Variants in SMAP2 observed in about 807,000 individuals in gnomAD.
SMAP2 encodes small ArfGAP2, also known as stromal membrane-associated protein 2.
SMAP2 carries 25 observed loss-of-function variants against 56.4 expected under a neutral mutation model. The observed-to-expected ratio is 0.44, with a 90% confidence interval of 0.32 to 0.62. The LOEUF is 0.62. Among genes scored for constraint, SMAP2 ranks in the 20% least tolerant of loss-of-function variants. The probability of loss-of-function intolerance (pLI) is 0.04; values close to 1 mark genes in which losing one functional copy is unlikely to be tolerated. For synonymous variants in SMAP2, 157 were observed against 181.7 expected, an observed-to-expected ratio of 0.86 and a Z score of 1.09; for missense variants, 388 against 545.6, an observed-to-expected ratio of 0.71 and a Z score of 2.88.
At chr1:40,352,531 A>T (rs1217693367) in intron 1 of SMAP2, among the ~76,000 whole-genome samples, 2 of 151,988 alleles carry the variant, frequency 1.3e-5, no homozygotes, top group Admixed American at 6.6e-5. Context: ...TAATTTAAAA[A>T]GTTTTTCTAT....
At chr1:40,387,848 G>A (rs1038308021) in intron 1 of SMAP2, among the ~76,000 whole-genome samples, 11 of 149,292 alleles carry the variant, frequency 7.4e-5, no homozygotes, top group Middle Eastern at 3.7e-3. Context: ...GCGGGGAGGT[G>A]TGGAGGGAGC....
rs1405324449 is a variant in SMAP2, at chr1:40,413,023, AAG to A, written c.412_413del (p.Asp138Ter). The A allele has an allele frequency of 6.2e-7, 1 of 1,609,676 alleles. No individual in the cohort carries two copies. Among genetic ancestry groups the A allele is most frequent in the Non-Finnish European group, 8.5e-7 (1 of 1,178,242 alleles). On this transcript the variant is annotated frameshift_variant, in exon 5 of 10. Transcript: ENST00000372718. LOFTEE classifies it high-confidence loss of function. ...CTTGTTAAATCATTATAGAAAGAAA[AAG>A]ATGACAAGTGGAAAAGAGGGAGCGA...
At chr1:40,393,287 A>G in intron 1 of SMAP2, 3 of 1,491,132 alleles carry the variant, frequency 2.0e-6, no homozygotes, top group Non-Finnish European at 8.9e-7. Context: ...AGCTTGGGCA[A>G]CAAAGCAACA....
At chr1:40,362,657 T>C (rs1644464359) in intron 2 of SMAP2, among the ~76,000 whole-genome samples, 2 of 152,152 alleles carry the variant, frequency 1.3e-5, no homozygotes, top group Non-Finnish European at 2.9e-5. Context: ...TCTTGCCTTT[T>C]CCCCCAGTGT....
intron 2 of SMAP2, among the ~76,000 whole-genome samples, chr1:40,365,495 G>T (rs1644477761): frequency 6.6e-6 from 1 of 152,118 alleles, no homozygotes; most frequent in African/African-American, 2.4e-5. Flanking sequence ...TGGCCACTGG[G>T]ACAGATAGAA....
At position 40,410,134 on chromosome 1, in the gene SMAP2, T is replaced by C. The variant is rs941742350; in HGVS notation, c.402+299T>C. ...GGTATACATGCCTGTAATAACCAGC[T>C]ACTTGGGAGGCTGAGGTCGGAGGAT... On this transcript the variant is annotated intron_variant, in intron 4 of 9. Transcript: ENST00000372718. Among the ~76,000 whole-genome samples the C allele has an allele frequency of 2.6e-5, 4 of 151,744 alleles. No homozygotes were observed. In the South Asian group the frequency reaches 8.3e-4, roughly 32 times the overall value.
intron 1 of SMAP2, among the ~76,000 whole-genome samples, chr1:40,394,868 C>A (rs977809265): frequency 6.6e-6 from 1 of 152,134 alleles, no homozygotes; most frequent in African/African-American, 2.4e-5. Flanking sequence ...ACTCACCACA[C>A]CCAAGAGTCC....
At chr1:40,400,162 A>G (rs771655370) in intron 1 of SMAP2, among the ~76,000 whole-genome samples, 7 of 152,050 alleles carry the variant, frequency 4.6e-5, no homozygotes, top group Non-Finnish European at 1.0e-4. Context: ...CAGCAGGAGC[A>G]GCATGTACAA....
chr1:40,356,616 C>T (rs209595), intron 1 of SMAP2, among the ~76,000 whole-genome samples: 27,578 of 151,836 alleles, frequency 0.18, 3,562 homozygotes, highest in African/African-American at 0.37. Flanking sequence ...TTCACTGTGT[C>T]AACCAGGATG....
intron 1 of SMAP2, among the ~76,000 whole-genome samples, chr1:40,396,070 G>A (rs1644768594): frequency 6.6e-6 from 1 of 152,102 alleles, no homozygotes; most frequent in African/African-American, 2.4e-5. Flanking sequence ...GATTAAATTG[G>A]TTCAGCGGGC....
At chr1:40,355,727 A>T (rs1328458958) in intron 1 of SMAP2, among the ~76,000 whole-genome samples, 2 of 151,912 alleles carry the variant, frequency 1.3e-5, no homozygotes, top group African/African-American at 2.4e-5. Context: ...GGCTCAAGCA[A>T]TCCTCCCTTC....
chr1:40,402,706 T>C (rs1477442819), intron 1 of SMAP2, among the ~76,000 whole-genome samples: 2 of 152,190 alleles, frequency 1.3e-5, no homozygotes, highest in East Asian at 3.9e-4. Flanking sequence ...CCTCATTTCT[T>C]CCTCCATCCG....
At chr1:40,402,475 A>G (rs1349182685) in intron 1 of SMAP2, among the ~76,000 whole-genome samples, 5 of 151,714 alleles carry the variant, frequency 3.3e-5, no homozygotes, top group Non-Finnish European at 7.4e-5. Context: ...TTTTTGAGAC[A>G]AGGTCTCGCT....
intron 1 of SMAP2, among the ~76,000 whole-genome samples, chr1:40,350,973 G>A (rs996675245): frequency 3.3e-5 from 5 of 152,190 alleles, no homozygotes; most frequent in Non-Finnish European, 7.3e-5. Flanking sequence ...CCTCCAGAGT[G>A]GAGACTCTGA....
At chr1:40,420,563 C>T (rs903718556) in intron 9 of SMAP2, among the ~76,000 whole-genome samples, 2 of 152,092 alleles carry the variant, frequency 1.3e-5, no homozygotes, top group African/African-American at 2.4e-5. Flanking sequence ...GACACATTTG[C>T]AAAGAAATGC....
chr1:40,347,963 T>C (rs1487006946), intron 1 of SMAP2, among the ~76,000 whole-genome samples: 1 of 152,104 alleles, frequency 6.6e-6, no homozygotes, highest in African/African-American at 2.4e-5. Context: ...TTCAAATTTA[T>C]TTTGGTGTGT....
rs1644888390 is a variant in SMAP2 at position 40,406,624 on chromosome 1, G to T, written c.104-112G>T. 4 of 1,225,804 alleles carry T rather than the reference G, an allele frequency of 3.3e-6. 1 individual carries two copies. Among genetic ancestry groups the T allele is most frequent in the South Asian group, 3.0e-5 (2 of 65,940 alleles). The allele number at this position is 1,225,804 out of a possible 1,614,324, so 75.9% of individuals were successfully genotyped here. A position where few individuals can be genotyped will look rare whatever the true frequency, so the allele number is the denominator to read the frequency against. On this transcript the variant is annotated intron_variant, in intron 1 of 9. Coordinates refer to ENST00000372718, the MANE Select transcript of SMAP2 (RefSeq NM_022733.3). ...CAGAGTCAATAAACAGGTGGTTATGGTAAAAATTATTTCACTTATGTTCTA... is the reference window on the plus strand; with the variant it reads ...CAGAGTCAATAAACAGGTGGTTATGTTAAAAATTATTTCACTTATGTTCTA...
chr1:40,398,432 G>A lies in SMAP2; in HGVS notation c.104-8304G>A, dbSNP rs867473911. 3.9e-5 allele frequency among the ~76,000 whole-genome samples: 6 copies of A among 152,028 alleles called. No individual in the cohort carries two copies. The South Asian group carries it at 1.2e-3, about 32-fold the overall frequency. ...TTTAAAAAAAATGGAATTGTTTCAT[G>A]TGTACTCTTTTAATACTGGATTTTT... On this transcript the variant is annotated intron_variant, in intron 1 of 9. Transcript: ENST00000372718.
At position 40,419,697 on chromosome 1, in the gene SMAP2, T is replaced by C. The variant is rs540418250; in HGVS notation, c.1165-2279T>C. Among the ~76,000 whole-genome samples, 14 of 152,362 alleles carry C rather than the reference T, an allele frequency of 9.2e-5. No homozygotes were observed. The East Asian group carries it at 1.9e-3, about 21-fold the overall frequency. On this transcript the variant is annotated intron_variant, in intron 9 of 9. Coordinates refer to ENST00000372718, the MANE Select transcript of SMAP2 (RefSeq NM_022733.3). The stretch of plus-strand genomic sequence containing the variant: ...CAGTCATACCAGTAGGCAACTCTTC[T>C]ATCAAAAGAAAATGATGTTCAAATT...
Sources: allele counts gnomAD v4.1 joint callset (sites outside exome capture counted in the v4.1 genomes callset), GRCh38; gene constraint gnomAD v4.1.1; transcripts MANE v1.5; gene names NCBI Gene and HGNC (gene_info 2026-07-23, HGNC 2026-07-21).